The following ZFP1 variants were observed in gnomAD, a reference collection of about 807,000 sequenced individuals.
The protein encoded by ZFP1 is ZFP1 zinc finger protein, also known as zinc finger protein 1 homolog.
A neutral mutation model predicts 38.5 loss-of-function variants in ZFP1; 32 were observed. The observed-to-expected ratio is 0.83, with a 90% CI of 0.63 to 1.12. The LOEUF (loss-of-function observed/expected upper bound fraction) is 1.12. ZFP1 is among the 50% of genes most tolerant of loss of function. The pLI is 0.00. For missense variants in ZFP1, 616 were observed against 480.8 expected, an observed-to-expected ratio of 1.28 and a Z score of -2.63; for synonymous variants, 245 against 168.8, an observed-to-expected ratio of 1.45 and a Z score of -3.50.
chr16:75,167,396 C>T (rs201417157), intron 3 of ZFP1, among the ~76,000 whole-genome samples: 3 of 148,644 alleles, frequency 2.0e-5, no homozygotes, highest in African/African-American at 5.0e-5. Flanking sequence ...CCCTGCTTAC[C>T]TTTTTTTTTT....
intron 2 of ZFP1, among the ~76,000 whole-genome samples, chr16:75,153,250 G>T (rs1380362109): frequency 6.6e-6 from 1 of 152,120 alleles, no homozygotes; most frequent in Admixed American, 6.6e-5. Context: ...ACTTTGAAAG[G>T]GTTATCACTT....
intron 3 of ZFP1, among the ~76,000 whole-genome samples, chr16:75,168,866 A>G (rs1192449937): frequency 6.6e-6 from 1 of 152,052 alleles, no homozygotes; most frequent in Admixed American, 6.6e-5. Context: ...TAATTCCCTC[A>G]TCTGCTTACT....
upstream of ZFP1, among the ~76,000 whole-genome samples, chr16:75,144,525 T>C (rs2036923070): frequency 6.6e-6 from 1 of 152,246 alleles, no homozygotes; most frequent in Non-Finnish European, 1.5e-5. Context: ...CATCTTTCCA[T>C]AAGATTATAG....
rs139206040 is a variant in ZFP1 at position 75,161,055 on chromosome 16, A to AT, written c.16-5706dup. Among the ~76,000 whole-genome samples, 609 of 151,288 alleles carry AT rather than the reference A, an allele frequency of 4.0e-3. 2 individuals are homozygous for AT. The highest frequency in any genetic ancestry group is 0.013 in the African/African-American group (516 of 41,202). On this transcript the variant is annotated intron_variant, in intron 2 of 3. Coordinates refer to ENST00000570010, the MANE Select transcript of ZFP1 (RefSeq NM_153688.4). ...TTTACAGACCCAAACACCAGTTTGT[A>AT]TTTTTTTTTAATTTATTTAATTAAT...
intron 2 of ZFP1, among the ~76,000 whole-genome samples, chr16:75,157,862 C>T (rs111284352): frequency 6.6e-6 from 1 of 151,850 alleles, no homozygotes; most frequent in Non-Finnish European, 1.5e-5. Flanking sequence ...GTGGCTTGAT[C>T]TTCACTCACT....
At chr16:75,151,836 A>C (rs965408435) in intron 1 of ZFP1, among the ~76,000 whole-genome samples, 1 of 152,192 alleles carries the variant, frequency 6.6e-6, no homozygotes, top group Non-Finnish European at 1.5e-5. Flanking sequence ...TCTTCTATTT[A>C]AATAACTTCA....
the ZFP1 span, among the ~76,000 whole-genome samples, chr16:75,126,482 C>T: frequency 2.6e-5 from 4 of 152,194 alleles, no homozygotes; most frequent in African/African-American, 9.7e-5. Flanking sequence ...TGGCTTACTA[C>T]AACCTCTGCC....
At chr16:75,133,740 A>G in the ZFP1 span, among the ~76,000 whole-genome samples, 3 of 152,220 alleles carry the variant, frequency 2.0e-5, no homozygotes, top group African/African-American at 7.2e-5. Context: ...GTGTCCATGT[A>G]CATTTTAGAA....
At position 75,170,388 on chromosome 16, in the gene ZFP1, T is replaced by TG; in HGVS notation, c.*55dup. On this transcript the variant is annotated 3_prime_UTR_variant, in exon 4 of 4. Transcript: ENST00000570010. ...CTCCTGCCAGAACTCTTCAAGCGGG[T>TG]GAAAAACCTCATGACAGTATTGAGG... is the stretch of plus-strand genomic sequence containing the variant. The TG allele has an allele frequency of 6.7e-7, 1 of 1,503,186 alleles. No individual in the cohort carries two copies. The highest frequency in any genetic ancestry group is 2.3e-5 in the Admixed American group (1 of 43,906). The allele number at this position is 1,503,186 out of a possible 1,614,324, so 93.1% of individuals were successfully genotyped here. A position where few individuals can be genotyped will look rare whatever the true frequency, so the allele number is the denominator to read the frequency against.
chr16:75,135,503 C>G, the ZFP1 span, among the ~76,000 whole-genome samples: 1 of 152,154 alleles, frequency 6.6e-6, no homozygotes, highest in Non-Finnish European at 1.5e-5. Context: ...GTGGCTCCAG[C>G]CTGTAATCAA....
the ZFP1 span, among the ~76,000 whole-genome samples, chr16:75,121,561 A>T: frequency 6.6e-6 from 1 of 152,158 alleles, no homozygotes; most frequent in Non-Finnish European, 1.5e-5. Context: ...TAATATGCAA[A>T]CATAAGGCTA....
rs868519236 is a variant in ZFP1 at position 75,169,536 on chromosome 16, C to T, written c.426C>T (p.Leu142=). 4 of 1,612,724 alleles carry T rather than the reference C, an allele frequency of 2.5e-6. No individual in the cohort carries two copies. In the Middle Eastern group the frequency reaches 6.6e-4, roughly 266 times the overall value. Residue 142 remains leucine, a synonymous_variant, in exon 4 of 4, where the codon CTC becomes CTT. Transcript: ENST00000570010. Reference sequence around the variant, plus strand: ...GTAATGAATTTGGAAAAGCACTTCTCTACCTGAAGCAAGAGAAAACCCACA... The same window carrying T: ...GTAATGAATTTGGAAAAGCACTTCTTTACCTGAAGCAAGAGAAAACCCACA... ...DECNEFGKAL[L]YLKQEKTHSG...
the ZFP1 span, among the ~76,000 whole-genome samples, chr16:75,138,489 G>C: frequency 6.6e-6 from 1 of 152,350 alleles, no homozygotes; most frequent in Non-Finnish European, 1.5e-5. Flanking sequence ...CATGTGGATA[G>C]CATGTACCTT....
chr16:75,156,303 A>C lies in ZFP1; in HGVS notation c.15+3337A>C, dbSNP rs542699129. ...ACCCTGTCTTTACTAAAAATACAAA[A>C]AAAATTAGCCGGGCGTGGTAGCATG... On this transcript the variant is annotated intron_variant, in intron 2 of 3. Coordinates refer to ENST00000570010, the MANE Select transcript of ZFP1 (RefSeq NM_153688.4). Among the ~76,000 whole-genome samples, 5 of 152,198 alleles carry C rather than the reference A, an allele frequency of 3.3e-5. No homozygotes were observed. The South Asian group carries it at 1.0e-3, about 32-fold the overall frequency.
chr16:75,153,968 T>C lies in ZFP1; in HGVS notation c.15+1002T>C, dbSNP rs180895222. Among the ~76,000 whole-genome samples, 572 of 152,294 alleles carry C rather than the reference T, an allele frequency of 3.8e-3. 3 individuals carry two copies. The highest frequency in any genetic ancestry group is 0.013 in the African/African-American group (550 of 41,562). On this transcript the variant is annotated intron_variant, in intron 2 of 3. Coordinates refer to ENST00000570010, the MANE Select transcript of ZFP1 (RefSeq NM_153688.4). ...TCATGCAGTAGGTAGCCTTTTTAGA[T>C]TGGTTTCCTTCACTTAGAAATATGC...
At chr16:75,146,432 G>C (rs1404773896), upstream of ZFP1, among the ~76,000 whole-genome samples, 1 of 152,076 alleles carries the variant, frequency 6.6e-6, no homozygotes, top group Non-Finnish European at 1.5e-5. Flanking sequence ...CTCCCAAAGT[G>C]CTGGGATTAC....
At chr16:75,139,816 A>C in the ZFP1 span, among the ~76,000 whole-genome samples, 5 of 152,218 alleles carry the variant, frequency 3.3e-5, no homozygotes, top group Non-Finnish European at 7.3e-5. Context: ...TTAGTGTTTC[A>C]TGGGTAGAGT....
At chr16:75,164,054 T>C (rs1041066575) in intron 2 of ZFP1, among the ~76,000 whole-genome samples, 1 of 152,214 alleles carries the variant, frequency 6.6e-6, no homozygotes, top group Admixed American at 6.5e-5. Context: ...TTATATAGAA[T>C]TTTGGGTCAT....
chr16:75,159,688 G>A (rs1314479163), intron 2 of ZFP1, among the ~76,000 whole-genome samples: 1 of 152,020 alleles, frequency 6.6e-6, no homozygotes, highest in Non-Finnish European at 1.5e-5. Flanking sequence ...TTACAGTCAT[G>A]AGCCACTATA....
Sources: gnomAD v4.1 joint callset for allele counts (sites outside exome capture counted in the v4.1 genomes callset) on GRCh38, gnomAD v4.1.1 for gene constraint, MANE v1.5 for transcripts, NCBI Gene and HGNC (gene_info 2026-07-23, HGNC 2026-07-21) for gene names.